Variants in MALRD1 observed in about 807,000 individuals in gnomAD.
MALRD1 encodes MAM and LDL-receptor class A domain-containing protein 1.
In MALRD1, 247 loss-of-function variants were observed where a neutral mutation model predicts 242.1. The ratio of observed to expected loss-of-function variants is 1.02; its 90% CI spans 0.92 to 1.13. MALRD1 has a LOEUF of 1.13. Ranked by LOEUF, MALRD1 falls within the 50% of genes most tolerant of loss-of-function variation. The pLI, the probability that MALRD1 is intolerant of heterozygous loss-of-function variation, is 0.00. For missense variants in MALRD1, 2,989 were observed against 2,533.1 expected (o/e 1.18, Z -3.86); for synonymous variants, 995 against 866.6 (o/e 1.15, Z -2.60).
Position 19,076,351 on chromosome 10 carries a change from A to G in MALRD1, c.340+9492A>G, listed in dbSNP as rs116570889. 9.1e-3 allele frequency among the ~76,000 whole-genome samples: 1,382 copies of G among 151,948 alleles called. 29 individuals are homozygous for G. The highest frequency in any genetic ancestry group is 0.032 in the African/African-American group (1,333 of 41,468). ...TTTATTTATTTACTTCTTCATATGG[A>G]TGCTCTTGTTTTAGGTGTTACATTT... On this transcript the variant is annotated intron_variant, in intron 2 of 39. Coordinates refer to ENST00000454679, the MANE Select transcript of MALRD1 (RefSeq NM_001142308.3).
intron 38 of MALRD1, among the ~76,000 whole-genome samples, chr10:19,719,529 T>C (rs1228488282): frequency 1.3e-5 from 2 of 152,052 alleles, no homozygotes; most frequent in Non-Finnish European, 2.9e-5. Flanking sequence ...GCATATTTAC[T>C]TCCTGCCTGA....
At chr10:19,051,749 C>T (rs913371947) in intron 1 of MALRD1, 2 of 155,252 alleles carry the variant, frequency 1.3e-5, no homozygotes, top group East Asian at 1.9e-4. Context: ...GGTGAAACCC[C>T]GTCTCTATTA....
chr10:19,344,375 C>T (rs1844015597), intron 24 of MALRD1, among the ~76,000 whole-genome samples: 1 of 151,924 alleles, frequency 6.6e-6, no homozygotes. Flanking sequence ...TTATGTTTGC[C>T]TATAACCAAC....
intron 32 of MALRD1, among the ~76,000 whole-genome samples, chr10:19,537,509 T>G (rs1834744439): frequency 6.6e-6 from 1 of 152,182 alleles, no homozygotes. Context: ...CTCCTTTTTC[T>G]TCTCCCTCCT....
At chr10:19,553,497 T>A (rs1390885038) in intron 32 of MALRD1, among the ~76,000 whole-genome samples, 1 of 152,110 alleles carries the variant, frequency 6.6e-6, no homozygotes, top group Non-Finnish European at 1.5e-5. Flanking sequence ...TTTTAAAAAA[T>A]TTTATACTTT....
At chr10:19,326,103 G>A (rs11009487) in intron 22 of MALRD1, among the ~76,000 whole-genome samples, 6 of 152,036 alleles carry the variant, frequency 3.9e-5, no homozygotes, top group South Asian at 2.1e-4. Context: ...GTGTATACAC[G>A]CATGGTTATG....
intron 36 of MALRD1, among the ~76,000 whole-genome samples, chr10:19,682,140 AAAAG>A (rs1842397799): frequency 6.6e-6 from 1 of 152,216 alleles, no homozygotes; most frequent in Admixed American, 6.5e-5. Context: ...CAAGTTGATT[AAAAG>A]TAATCAACTT....
Position 19,275,042 on chromosome 10 carries a change from G to A in MALRD1, c.3080-5005G>A, listed in dbSNP as rs74121437. Among the ~76,000 whole-genome samples the A allele has an allele frequency of 7.9e-3, 1,198 of 152,210 alleles. 19 individuals are homozygous for A. Among genetic ancestry groups the A allele is most frequent in the African/African-American group, 0.028 (1,147 of 41,512 alleles). On this transcript the variant is annotated intron_variant, in intron 19 of 39. Transcript: ENST00000454679. ...AGGCATTAGTGAAGGGGTAGAAAGA[G>A]GAAGAATGAGGTCTGAGCTTTATAG...
chr10:19,617,262 T>C (rs916450243), intron 36 of MALRD1, among the ~76,000 whole-genome samples: 8 of 151,864 alleles, frequency 5.3e-5, no homozygotes, highest in African/African-American at 1.7e-4. Flanking sequence ...TTCTCTCAAA[T>C]GGGAGAACTC....
chr10:19,331,448 C>T lies in MALRD1; in HGVS notation c.3767C>T (p.Pro1256Leu). 1 of 1,550,518 alleles carries T rather than the reference C, an allele frequency of 6.4e-7. No homozygotes were observed. The highest frequency in any genetic ancestry group is 8.7e-7 in the Non-Finnish European group (1 of 1,146,896). ...GATATTTCCTTCCAAGATTGCTCCCCTTTGCTTAGCCCAGAGAGAAAGTGT... is the reference window on the plus strand; with the variant it reads ...GATATTTCCTTCCAAGATTGCTCCCTTTTGCTTAGCCCAGAGAGAAAGTGT... ...VDDISFQDCS[P>L]LLSPERKCTD... is the part of the protein sequence containing the mutation. Residue 1256 changes from proline (P) to leucine (L), a missense_variant, in exon 24 of 40, where the codon CCT becomes CTT. Pro to Leu is a moderately conservative substitution (Grantham distance 98). Coordinates refer to ENST00000454679, the MANE Select transcript of MALRD1 (RefSeq NM_001142308.3).
intron 2 of MALRD1, among the ~76,000 whole-genome samples, chr10:19,083,944 A>G (rs1322603735): frequency 7.9e-5 from 12 of 151,964 alleles, no homozygotes; most frequent in Non-Finnish European, 1.5e-4. Context: ...TTTGTGGGGG[A>G]AAAAGTTTCA....
intron 32 of MALRD1, among the ~76,000 whole-genome samples, chr10:19,560,509 A>G (rs1487970307): frequency 6.6e-6 from 1 of 152,144 alleles, no homozygotes; most frequent in Non-Finnish European, 1.5e-5. Context: ...AGACACATGC[A>G]CATGTATGTT....
chr10:19,382,706 C>T (rs951609576), intron 26 of MALRD1, among the ~76,000 whole-genome samples: 12 of 152,164 alleles, frequency 7.9e-5, no homozygotes, highest in Middle Eastern at 3.4e-3. Flanking sequence ...CTCTGGGAGT[C>T]ATTATAAATA....
rs1834521841 is a variant in MALRD1, at chr10:19,052,007, ACCGCC to A, written c.199+2872_199+2876del. 10 of 314,018 alleles carry A rather than the reference ACCGCC, an allele frequency of 3.2e-5. No homozygotes were observed. In the Admixed American group the frequency reaches 3.7e-4, roughly 11 times the overall value. The allele number at this position is 314,018 out of a possible 1,614,324, so 19.5% of individuals were successfully genotyped here. On this transcript the variant is annotated intron_variant, in intron 1 of 39. Transcript: ENST00000454679. ...AATGTGGACCTAAATACTCAGAAGC[ACCGCC>A]CATTGTGAGATTTGTAAGAAAAATT...
intron 36 of MALRD1, among the ~76,000 whole-genome samples, chr10:19,653,873 G>A (rs187310655): frequency 6.6e-6 from 1 of 152,242 alleles, no homozygotes; most frequent in African/African-American, 2.4e-5. Flanking sequence ...ATGATGGAGA[G>A]CTAATTTGGG....
At chr10:19,279,201 G>A (rs1840687988) in intron 19 of MALRD1, among the ~76,000 whole-genome samples, 1 of 152,100 alleles carries the variant, frequency 6.6e-6, no homozygotes, top group African/African-American at 2.4e-5. Context: ...CTTTGTGACT[G>A]GGCCCAAGGA....
intron 14 of MALRD1, among the ~76,000 whole-genome samples, chr10:19,182,491 A>AT (rs35498337): frequency 2.2e-3 from 328 of 149,028 alleles, no homozygotes; most frequent in Non-Finnish European, 3.4e-3. Flanking sequence ...CGCCCGGCTA[A>AT]TTTTTTTTTT....
intron 28 of MALRD1, among the ~76,000 whole-genome samples, chr10:19,433,021 A>G (rs556132689): frequency 6.6e-6 from 1 of 152,328 alleles, no homozygotes; most frequent in South Asian, 2.1e-4. Context: ...AGATACAGCT[A>G]TTCCACTTGC....
chr10:19,607,961 C>A, intron 35 of MALRD1, 59 bp downstream of exon 35: 1 of 1,520,626 alleles, frequency 6.6e-7, no homozygotes, highest in Non-Finnish European at 8.9e-7. Flanking sequence ...ACCTGCAACA[C>A]AATGAAAATA....
Sources: allele counts gnomAD v4.1 joint callset (sites outside exome capture counted in the v4.1 genomes callset), GRCh38; gene constraint gnomAD v4.1.1; transcripts MANE v1.5; gene names NCBI Gene and HGNC (gene_info 2026-07-23, HGNC 2026-07-21).